The following GPD2 variants were observed in gnomAD, a reference collection of about 807,000 sequenced individuals.
The protein encoded by GPD2 is glycerol-3-phosphate dehydrogenase, mitochondrial.
GPD2 carries 54 observed loss-of-function variants against 82.4 expected under a neutral mutation model. The ratio of observed to expected loss-of-function variants is 0.66; its 90% CI spans 0.53 to 0.82. The LOEUF is 0.82. Among genes scored for constraint, GPD2 ranks in the 40% least tolerant of loss-of-function variants. The pLI, the probability that GPD2 is intolerant of heterozygous loss-of-function variation, is 0.00. For missense variants in GPD2, 748 were observed against 896.2 expected (o/e 0.83, Z 2.11); for synonymous variants, 288 against 306.1 (o/e 0.94, Z 0.62).
intron 6 of GPD2, among the ~76,000 whole-genome samples, chr2:156,525,864 C>T (rs897881399): frequency 7.2e-5 from 11 of 152,224 alleles, no homozygotes; most frequent in African/African-American, 2.6e-4. Flanking sequence ...TAAACAAAGA[C>T]AATTCAAACA....
At chr2:156,546,970 C>T (rs1308874320) in intron 6 of GPD2, among the ~76,000 whole-genome samples, 1 of 152,072 alleles carries the variant, frequency 6.6e-6, no homozygotes, top group Non-Finnish European at 1.5e-5. Context: ...TAATTGGAAA[C>T]GTATTCTGTA....
rs753452078 is a variant in GPD2 at position 156,571,253 on chromosome 2, G to C, written c.1728G>C (p.Leu576=). ...AEEALPRIVE[L]MGRELNWDDY... ...AAGCCCTACCCAGGATTGTTGAACT[G>C]ATGGGCAGGGAACTGAATTGGGATG... The change falls in exon 13 of 17, where the codon CTG becomes CTC. Residue 576 remains leucine (L), a synonymous_variant. Transcript: ENST00000438166. The C allele has an allele frequency of 1.2e-6, 2 of 1,612,468 alleles. No individual in the cohort carries two copies. The highest frequency in any genetic ancestry group is 2.2e-5 in the South Asian group (2 of 90,872).
At chr2:156,504,364 G>A (rs1056896415) in intron 3 of GPD2, among the ~76,000 whole-genome samples, 1 of 151,446 alleles carries the variant, frequency 6.6e-6, no homozygotes, top group African/African-American at 2.4e-5. Flanking sequence ...AGTGCCCAAA[G>A]CTTTTCTAAA....
At chr2:156,558,188 C>T (rs902690055) in intron 9 of GPD2, among the ~76,000 whole-genome samples, 1 of 152,156 alleles carries the variant, frequency 6.6e-6, no homozygotes, top group Admixed American at 6.5e-5. Context: ...TCAGGCCAGT[C>T]TCAGAAGTTC....
At chr2:156,493,978 A>G (rs967885215) in intron 2 of GPD2, among the ~76,000 whole-genome samples, 2 of 131,848 alleles carry the variant, frequency 1.5e-5, no homozygotes, top group African/African-American at 5.8e-5. Flanking sequence ...TTTCCTCATT[A>G]GATGGAAGGC....
At chr2:156,527,612 T>TA (rs1467929477) in intron 6 of GPD2, among the ~76,000 whole-genome samples, 1 of 152,266 alleles carries the variant, frequency 6.6e-6, no homozygotes, top group East Asian at 1.9e-4. Flanking sequence ...TGGAAAGTGT[T>TA]ACTAGTATAT....
intron 2 of GPD2, among the ~76,000 whole-genome samples, chr2:156,490,642 A>C (rs1442175364): frequency 6.6e-6 from 1 of 152,164 alleles, no homozygotes; most frequent in African/African-American, 2.4e-5. Context: ...GTGGTATAGT[A>C]GTGTAACACC....
At chr2:156,499,762 C>G (rs1257724800) in intron 3 of GPD2, among the ~76,000 whole-genome samples, 1 of 149,732 alleles carries the variant, frequency 6.7e-6, no homozygotes, top group Non-Finnish European at 1.5e-5. Context: ...TGGAAAAACT[C>G]ATTGCAATGA....
chr2:156,462,681 A>G (rs1683031734), intron 1 of GPD2, among the ~76,000 whole-genome samples: 1 of 152,146 alleles, frequency 6.6e-6, no homozygotes, highest in Non-Finnish European at 1.5e-5. Context: ...GATGTTTTCT[A>G]GTAAGCTCCA....
intron 3 of GPD2, among the ~76,000 whole-genome samples, chr2:156,508,973 G>T (rs1426008361): frequency 6.6e-6 from 1 of 152,156 alleles, no homozygotes; most frequent in Admixed American, 6.5e-5. Flanking sequence ...ATACCTGACA[G>T]CCTAGTTCAT....
chr2:156,425,093 T>TA, the GPD2 span, among the ~76,000 whole-genome samples: 95 of 151,712 alleles, frequency 6.3e-4, 1 homozygote, highest in East Asian at 8.7e-3. Context: ...CATTTTATTT[T>TA]TTTTTTTGTT....
At chr2:156,562,449 A>T (rs1326064988) in intron 9 of GPD2, among the ~76,000 whole-genome samples, 1 of 152,180 alleles carries the variant, frequency 6.6e-6, no homozygotes, top group Non-Finnish European at 1.5e-5. Flanking sequence ...TTCTGTGATT[A>T]ACACTTCATT....
chr2:156,431,909 T>TA (rs1688320983), upstream of GPD2, among the ~76,000 whole-genome samples: 2 of 133,080 alleles, frequency 1.5e-5, no homozygotes, highest in African/African-American at 2.8e-5. Flanking sequence ...TTTTTTGAGA[T>TA]AGAGTCTCGC....
Position 156,545,693 on chromosome 2 carries a change from T to G in GPD2, c.662-3915T>G, listed in dbSNP as rs548894476. Among the ~76,000 whole-genome samples, 85 of 152,354 alleles carry G rather than the reference T, an allele frequency of 5.6e-4. 1 individual carries two copies. The Middle Eastern group carries it at 0.02, about 37-fold the overall frequency. The stretch of plus-strand genomic sequence containing the variant: ...CTGACATAAATAAGAGTTTTAGACC[T>G]GAAGAAACAAGAAAATCCCAGGTAG... On this transcript the variant is annotated intron_variant, in intron 6 of 16. Transcript: ENST00000438166.
rs568651177 is a variant in GPD2 at position 156,451,282 on chromosome 2, A to C, written c.-9+14769A>C. ...TCACCTCCCGGACGGGGCAGCTGGC[A>C]GGGCGGGGGGCTGACCCCCCCACCT... On this transcript the variant is annotated intron_variant, in intron 1 of 16. Coordinates refer to ENST00000438166, the MANE Select transcript of GPD2 (RefSeq NM_000408.5). Among the ~76,000 whole-genome samples, 47 of 145,198 alleles carry C rather than the reference A, an allele frequency of 3.2e-4. 1 individual carries two copies. The South Asian group carries it at 9.8e-3, about 30-fold the overall frequency.
intron 1 of GPD2, among the ~76,000 whole-genome samples, chr2:156,458,153 C>A (rs1406577640): frequency 6.6e-6 from 1 of 152,154 alleles, no homozygotes; most frequent in African/African-American, 2.4e-5. Flanking sequence ...CAGGCAAGCA[C>A]TAAATTATCA....
At chr2:156,452,645 A>T (rs140508889) in intron 1 of GPD2, among the ~76,000 whole-genome samples, 2 of 152,238 alleles carry the variant, frequency 1.3e-5, no homozygotes, top group Non-Finnish European at 2.9e-5. Flanking sequence ...TTGGAAGAGG[A>T]TATTGGTCAA....
intron 12 of GPD2, 71 bp from the exon 13 acceptor site, chr2:156,571,063 T>A: frequency 9.9e-7 from 1 of 1,007,504 alleles, no homozygotes; most frequent in Non-Finnish European, 1.6e-6. Context: ...TTATTTTTTT[T>A]AAGTGAAGCT....
chr2:156,584,242 G>A lies in GPD2; in HGVS notation c.*1324G>A, dbSNP rs191719531. On this transcript the variant is annotated 3_prime_UTR_variant, in exon 17 of 17. Transcript: ENST00000438166. ...CTAGTTATCTGAATATTTATTAATC[G>A]TACTTCCTCTTGTAAAGTTAACTAC... 1 of 151,996 alleles carries A rather than the reference G, an allele frequency of 6.6e-6. No homozygotes were observed. Among genetic ancestry groups the A allele is most frequent in the East Asian group, 1.9e-4 (1 of 5,172 alleles). 9.4% of individuals were successfully genotyped at this position (151,996 alleles called of 1,614,324 possible). A position where few individuals can be genotyped will look rare whatever the true frequency, so the allele number is the denominator to read the frequency against.
Sources: gnomAD v4.1 joint callset for allele counts (sites outside exome capture counted in the v4.1 genomes callset) on GRCh38, gnomAD v4.1.1 for gene constraint, MANE v1.5 for transcripts, NCBI Gene and HGNC (gene_info 2026-07-23, HGNC 2026-07-21) for gene names.